The following CACUL1 variants were observed in gnomAD, a reference collection of about 807,000 sequenced individuals.
The protein encoded by CACUL1 is CDK2-associated and cullin domain-containing protein 1.
A neutral mutation model predicts 45.2 loss-of-function variants in CACUL1; 13 were observed. The ratio of observed to expected loss-of-function variants is 0.29; its 90% CI spans 0.19 to 0.46. The LOEUF is 0.46. Ranked by LOEUF, CACUL1 falls within the 20% of genes least tolerant of loss-of-function variation. The pLI is 1.00. For missense variants in CACUL1, 421 were observed against 471.4 expected, an observed-to-expected ratio of 0.89 and a Z score of 0.99; for synonymous variants, 197 against 174.2, an observed-to-expected ratio of 1.13 and a Z score of -1.03.
chr10:118,739,012 G>A (rs910676510), intron 1 of CACUL1, among the ~76,000 whole-genome samples: 2 of 150,344 alleles, frequency 1.3e-5, no homozygotes, highest in Non-Finnish European at 3.0e-5. Flanking sequence ...TGGCTAACAC[G>A]GTGAAACCTG....
chr10:118,708,115 T>G (rs1321651681), intron 3 of CACUL1, among the ~76,000 whole-genome samples: 1 of 124,272 alleles, frequency 8.0e-6, no homozygotes, highest in Non-Finnish European at 1.6e-5. Context: ...ACCACTGCAC[T>G]CCAGCCTGGG....
Position 118,683,055 on chromosome 10 carries a change from T to TTAGG in CACUL1, c.*3069_*3072dup, listed in dbSNP as rs1845168965. The stretch of plus-strand genomic sequence containing the variant: ...AAAACAGTAGTTAATTCCTGTCAGG[T>TTAGG]TAGGGTACAGGTGTGACAACAAAAG... On this transcript the variant is annotated 3_prime_UTR_variant, in exon 9 of 9. Coordinates refer to ENST00000369151, the MANE Select transcript of CACUL1 (RefSeq NM_153810.5). 1 of 152,110 alleles carries TTAGG rather than the reference T, an allele frequency of 6.6e-6. No individual in the cohort carries two copies. Among genetic ancestry groups the TTAGG allele is most frequent in the African/African-American group, 2.4e-5 (1 of 41,406 alleles). The allele number at this position is 152,110 out of a possible 1,614,324, so 9.4% of individuals were successfully genotyped here.
rs1197864645 is a variant in CACUL1, at chr10:118,725,666, C to A, written c.597+3629G>T. On this transcript the variant is annotated intron_variant, in intron 3 of 8. Transcript: ENST00000369151. ...TTGTTTTATTAGTTTAACAACACAACAAAAAAAACTTTAAAGTGCCTGAAG... is the reference window on the plus strand; with the variant it reads ...TTGTTTTATTAGTTTAACAACACAAAAAAAAAAACTTTAAAGTGCCTGAAG... Among the ~76,000 whole-genome samples, 7 of 151,368 alleles carry A rather than the reference C, an allele frequency of 4.6e-5. No individual in the cohort carries two copies. In the East Asian group the frequency reaches 5.8e-4, roughly 13 times the overall value.
intron 5 of CACUL1, among the ~76,000 whole-genome samples, chr10:118,697,614 T>A (rs1845335512): frequency 6.6e-6 from 1 of 152,240 alleles, no homozygotes. Flanking sequence ...CCTTTATTAA[T>A]GTGAAAAGCA....
Position 118,754,640 on chromosome 10 carries a change from G to T in CACUL1, c.123C>A (p.Pro41=), listed in dbSNP as rs779512375. The change falls in exon 1 of 9, where the codon CCC becomes CCA. Residue 41 remains proline (P), a synonymous_variant. Coordinates refer to ENST00000369151, the MANE Select transcript of CACUL1 (RefSeq NM_153810.5). Reference sequence around the variant, plus strand: ...GGGCAGGGGCCGGGATCGACGAGGGGGGCGGCGGAGGTGGCAGGGGCTGCC... The same window carrying T: ...GGGCAGGGGCCGGGATCGACGAGGGTGGCGGCGGAGGTGGCAGGGGCTGCC... The part of the protein sequence containing the change: ...GFRQPLPPPP[P]PSSIPAPARE... 10 of 1,606,156 alleles carry T rather than the reference G, an allele frequency of 6.2e-6. No homozygotes were observed. The highest frequency in any genetic ancestry group is 1.4e-5 in the African/African-American group (1 of 73,976).
chr10:118,730,076 T>C (rs1314563132), intron 2 of CACUL1, among the ~76,000 whole-genome samples: 1 of 152,168 alleles, frequency 6.6e-6, no homozygotes, highest in Non-Finnish European at 1.5e-5. Context: ...ATGGTGGAGG[T>C]GGCAGGCTTC....
At position 118,739,396 on chromosome 10, in the gene CACUL1, A is replaced by G. The variant is rs190111876; in HGVS notation, c.368-8986T>C. On this transcript the variant is annotated intron_variant, in intron 1 of 8. Transcript: ENST00000369151. ...AAATATTAACACATTAATATAAAAAAAAGAACTAAGAAATTTTCTCAAGGG... is the reference window on the plus strand; with the variant it reads ...AAATATTAACACATTAATATAAAAAGAAGAACTAAGAAATTTTCTCAAGGG... Among the ~76,000 whole-genome samples, 32 of 152,304 alleles carry G rather than the reference A, an allele frequency of 2.1e-4. No homozygotes were observed. In the East Asian group the frequency reaches 3.3e-3, roughly 16 times the overall value.
rs569524515 is a variant in CACUL1 at position 118,706,764 on chromosome 10, T to C, written c.693+728A>G. 9.2e-5 allele frequency among the ~76,000 whole-genome samples: 14 copies of C among 152,318 alleles called. 1 individual carries two copies. In the East Asian group the frequency reaches 2.5e-3, roughly 27 times the overall value. ...ATGAAAATCAGGAAGCACTACATGGTCTTTTGGAAAGTGCCTTCTAAATTA... is the reference window on the plus strand; with the variant it reads ...ATGAAAATCAGGAAGCACTACATGGCCTTTTGGAAAGTGCCTTCTAAATTA... On this transcript the variant is annotated intron_variant, in intron 4 of 8. Coordinates refer to ENST00000369151, the MANE Select transcript of CACUL1 (RefSeq NM_153810.5).
chr10:118,714,620 AGTGAAAATACCG>A (rs1365555193), intron 3 of CACUL1, among the ~76,000 whole-genome samples: 1 of 152,220 alleles, frequency 6.6e-6, no homozygotes, highest in Non-Finnish European at 1.5e-5. Flanking sequence ...CTTTTTTTCA[AGTGAAAATACCG>A]TTCTATGCAG....
At chr10:118,700,194 C>T (rs534205437) in intron 5 of CACUL1, among the ~76,000 whole-genome samples, 19 of 151,934 alleles carry the variant, frequency 1.3e-4, no homozygotes, top group African/African-American at 4.3e-4. Flanking sequence ...TTGTGGTGAA[C>T]GCTAATTACG....
intron 6 of CACUL1, chr10:118,693,548 A>T: frequency 3.0e-6 from 1 of 332,422 alleles, no homozygotes; most frequent in Non-Finnish European, 6.0e-6. Flanking sequence ...TACCCACAAT[A>T]CTTTTCTACC....
At chr10:118,700,855 C>T (rs556252333) in intron 5 of CACUL1, among the ~76,000 whole-genome samples, 5 of 152,208 alleles carry the variant, frequency 3.3e-5, no homozygotes, top group East Asian at 3.9e-4. Flanking sequence ...GAGGCAAAGA[C>T]GTTTGCCTAA....
rs1845139360 is a variant in CACUL1 at position 118,680,151 on chromosome 10, T to C, written c.*5977A>G. The stretch of plus-strand genomic sequence containing the variant: ...AATATGTGTGATATTCATTCTACTA[T>C]CATGCTTTTTGATATTCAAGGTATT... On this transcript the variant is annotated 3_prime_UTR_variant, in exon 9 of 9. Coordinates refer to ENST00000369151, the MANE Select transcript of CACUL1 (RefSeq NM_153810.5). 6.6e-6 allele frequency: 1 copy of C among 152,180 alleles called. No homozygotes were observed. Among genetic ancestry groups the C allele is most frequent in the Non-Finnish European group, 1.5e-5 (1 of 68,032 alleles). The allele number at this position is 152,180 out of a possible 1,614,324, so 9.4% of individuals were successfully genotyped here.
At chr10:118,693,727 CA>C (rs1432837791) in intron 6 of CACUL1, 30 of 456,890 alleles carry the variant, frequency 6.6e-5, no homozygotes, top group African/African-American at 5.2e-4. Context: ...ATCTTCATCA[CA>C]CTGCTGTAAA....
intron 5 of CACUL1, among the ~76,000 whole-genome samples, chr10:118,695,826 A>G (rs1845316662): frequency 6.6e-6 from 1 of 152,248 alleles, no homozygotes; most frequent in Admixed American, 6.5e-5. Flanking sequence ...ATTTTTAAGA[A>G]GTTTTTAACG....
rs1281125004 is a variant in CACUL1, at chr10:118,685,899, A to G, written c.*229T>C. ...CACAGAATCTGTAGATAAACTCATT[A>G]AAAGATTGTCCCATTTCAAAATCAC... On this transcript the variant is annotated 3_prime_UTR_variant, in exon 9 of 9. Transcript: ENST00000369151. 1.4e-5 allele frequency: 5 copies of G among 367,636 alleles called. No homozygotes were observed. The highest frequency in any genetic ancestry group is 2.4e-5 in the Non-Finnish European group (5 of 204,900). 22.8% of individuals were successfully genotyped at this position (367,636 alleles called of 1,614,324 possible).
chr10:118,729,036 G>T (rs1256329484), intron 3 of CACUL1: 1 of 331,500 alleles, frequency 3.0e-6, no homozygotes, highest in Non-Finnish European at 5.5e-6. Context: ...TTAAATAAAA[G>T]AAATGTTGAC....
rs1245232389 is a variant in CACUL1, at chr10:118,686,047, GC to G, written c.*80del. ...GTGACAGAGCTCCTGAGTGTGTGCA[GC>G]CCCCACTGTGCTCTGAATACAGTCT... On this transcript the variant is annotated 3_prime_UTR_variant, in exon 9 of 9. Coordinates refer to ENST00000369151, the MANE Select transcript of CACUL1 (RefSeq NM_153810.5). 7 of 998,260 alleles carry G rather than the reference GC, an allele frequency of 7.0e-6. No individual in the cohort carries two copies. Among genetic ancestry groups the G allele is most frequent in the East Asian group, 4.8e-5 (2 of 41,800 alleles). 61.8% of individuals were successfully genotyped at this position (998,260 alleles called of 1,614,324 possible).
Position 118,729,297 on chromosome 10 carries a change from G to A in CACUL1, c.595C>T (p.Gln199Ter). ...AATCAATACAATCAGTTCTTTACCT[G>A]CAGCTCCTTTGAGACTCTCTCTAAG... ...NHLERVSKEL[Q>*]ASPPDLYIER... The change falls in exon 3 of 9, where the codon CAG becomes TAG. Residue 199 changes from glutamine to a stop codon, truncating the protein, a stop_gained and splice_region_variant. Coordinates refer to ENST00000369151, the MANE Select transcript of CACUL1 (RefSeq NM_153810.5). LOFTEE classifies it high-confidence loss of function. 6.2e-7 allele frequency: 1 copy of A among 1,609,346 alleles called. No individual in the cohort carries two copies. The highest frequency in any genetic ancestry group is 8.5e-7 in the Non-Finnish European group (1 of 1,176,292).
Sources: allele counts gnomAD v4.1 joint callset (sites outside exome capture counted in the v4.1 genomes callset), GRCh38; gene constraint gnomAD v4.1.1; transcripts MANE v1.5; gene names NCBI Gene and HGNC (gene_info 2026-07-23, HGNC 2026-07-21).